The following GPRC5A variants were observed in gnomAD, a reference collection of about 807,000 sequenced individuals.
GPRC5A encodes the protein retinoic acid-induced protein 3.
In GPRC5A, 19 loss-of-function variants were observed where a neutral mutation model predicts 22.5. That is an observed-to-expected ratio of 0.85 (90% CI 0.59 to 1.24). The LOEUF is 1.24. Among genes scored for constraint, GPRC5A ranks in the 50% most tolerant of loss-of-function variants. GPRC5A has a pLI of 0.00. For missense variants in GPRC5A, 471 were observed against 451.1 expected (o/e 1.04, Z -0.40); for synonymous variants, 192 against 184.5 (o/e 1.04, Z -0.33).
intron 1 of GPRC5A, among the ~76,000 whole-genome samples, chr12:12,899,072 A>G (rs1863853304): frequency 6.6e-6 from 1 of 152,118 alleles, no homozygotes; most frequent in African/African-American, 2.4e-5. Flanking sequence ...TCTGTTGCCC[A>G]GGCTGGAGTG....
intron 1 of GPRC5A, among the ~76,000 whole-genome samples, chr12:12,900,509 C>T (rs887169260): frequency 6.6e-6 from 1 of 152,146 alleles, no homozygotes; most frequent in Non-Finnish European, 1.5e-5. Flanking sequence ...GGAGTTGACC[C>T]AAGAAATGAC....
Position 12,915,910 on chromosome 12 carries a change from G to A in GPRC5A, c.*3371G>A, listed in dbSNP as rs781708578. 3.8e-6 allele frequency: 2 copies of A among 524,708 alleles called. No individual in the cohort carries two copies. Among genetic ancestry groups the A allele is most frequent in the South Asian group, 1.4e-5 (1 of 70,380 alleles). The allele number at this position is 524,708 out of a possible 1,614,324, so 32.5% of individuals were successfully genotyped here. On this transcript the variant is annotated 3_prime_UTR_variant, in exon 4 of 4. Coordinates refer to ENST00000014914, the MANE Select transcript of GPRC5A (RefSeq NM_003979.4). ...CGCCTGTTCTTGCCAGGTGGCAGAA[G>A]GTTGCTGCTCATTTGAGCAGTACCT...
rs1377100878 is a variant in GPRC5A, at chr12:12,908,810, G to A, written c.561G>A (p.Leu187=). 1 of 1,614,108 alleles carries A rather than the reference G, an allele frequency of 6.2e-7. No individual in the cohort carries two copies. The highest frequency in any genetic ancestry group is 8.5e-7 in the Non-Finnish European group (1 of 1,179,986). The change falls in exon 2 of 4, where the codon TTG becomes TTA. Residue 187 remains leucine (L), a synonymous_variant. Coordinates refer to ENST00000014914, the MANE Select transcript of GPRC5A (RefSeq NM_003979.4). ...TCCTGCTCACCTACGTCCTCTTCTTGATGGCGCTGACCTTCCTCATGTCCT... is the reference window on the plus strand; with the variant it reads ...TCCTGCTCACCTACGTCCTCTTCTTAATGGCGCTGACCTTCCTCATGTCCT... The part of the protein sequence containing the change: ...FVLLLTYVLF[L]MALTFLMSSF...
intron 2 of GPRC5A, among the ~76,000 whole-genome samples, chr12:12,911,125 C>A (rs2136462528): frequency 6.6e-6 from 1 of 152,140 alleles, no homozygotes; most frequent in East Asian, 1.9e-4. Flanking sequence ...CCCGCCTAGG[C>A]CTTCCAAAGT....
intron 1 of GPRC5A, among the ~76,000 whole-genome samples, chr12:12,906,386 C>T (rs1863940853): frequency 6.6e-6 from 1 of 152,100 alleles, no homozygotes; most frequent in Non-Finnish European, 1.5e-5. Context: ...GCCTGGGCAA[C>T]ATGGTGAAAC....
In GPRC5A at chr12:12,913,436, C is replaced by T. The variant is rs1296009162; in HGVS notation, c.*897C>T. 1 of 152,266 alleles carries T rather than the reference C, an allele frequency of 6.6e-6. No homozygotes were observed. The highest frequency in any genetic ancestry group is 1.9e-4 in the East Asian group (1 of 5,206). The allele number at this position is 152,266 out of a possible 1,614,324, so 9.4% of individuals were successfully genotyped here. ...CTCACTAGCACAAGCCCGGTTGCTC[C>T]TTGTCAGGAGAATTTGTAGATCATT... On this transcript the variant is annotated 3_prime_UTR_variant, in exon 4 of 4. Transcript: ENST00000014914.
rs1224120731 is a variant in GPRC5A at position 12,911,966 on chromosome 12, G to GTTTC, written c.923-117_923-116insTTCT. 1.5e-5 allele frequency: 10 copies of GTTTC among 674,948 alleles called. No homozygotes were observed. In the East Asian group the frequency reaches 2.6e-4, roughly 17 times the overall value. The allele number at this position is 674,948 out of a possible 1,614,324, so 41.8% of individuals were successfully genotyped here. On this transcript the variant is annotated intron_variant, in intron 2 of 3. Coordinates refer to ENST00000014914, the MANE Select transcript of GPRC5A (RefSeq NM_003979.4). The stretch of plus-strand genomic sequence containing the variant: ...TCTCTGTCCCTCCAAGAAACTTAAG[G>GTTTC]TCTGCTGGAGAGACAGGCAATTAAA...
chr12:12,909,930 C>G (rs944734200), intron 2 of GPRC5A: 7 of 109,306 alleles, frequency 6.4e-5, no homozygotes, highest in African/African-American at 2.6e-4. Flanking sequence ...AAGACTTCAT[C>G]TCTATTTAAA....
chr12:12,907,046 C>T (rs555339939), intron 1 of GPRC5A, among the ~76,000 whole-genome samples: 8 of 147,306 alleles, frequency 5.4e-5, no homozygotes, highest in Non-Finnish European at 1.2e-4. Flanking sequence ...AAGAGCGAAA[C>T]TCCGTCTAAA....
At position 12,914,349 on chromosome 12, in the gene GPRC5A, C is replaced by CG. The variant is rs1864035889; in HGVS notation, c.*1810_*1811insG. On this transcript the variant is annotated 3_prime_UTR_variant, in exon 4 of 4. Transcript: ENST00000014914. ...TTGGTAGGCTTCGCGCTAAGATTAG[C>CG]CTGGCTTTGTACTGAAAAGGGGGAA... is the stretch of plus-strand genomic sequence containing the variant. The CG allele has an allele frequency of 6.6e-6, 1 of 152,524 alleles. No individual in the cohort carries two copies. Among genetic ancestry groups the CG allele is most frequent in the Non-Finnish European group, 1.5e-5 (1 of 68,046 alleles). 9.4% of individuals were successfully genotyped at this position (152,524 alleles called of 1,614,324 possible).
chr12:12,895,821 C>CAAAAAAAAAAAAA (rs34696528), intron 1 of GPRC5A, among the ~76,000 whole-genome samples: 32 of 75,550 alleles, frequency 4.2e-4, no homozygotes, highest in African/African-American at 8.0e-4. Context: ...ACTAAAAATA[C>CAAAAAAAAAAAAA]AAAAAAAAAA....
intron 1 of GPRC5A, among the ~76,000 whole-genome samples, chr12:12,907,705 C>T (rs1442453250): frequency 6.6e-6 from 1 of 152,130 alleles, no homozygotes; most frequent in African/African-American, 2.4e-5. Context: ...GATCATAGCT[C>T]ACTGCATCCT....
chr12:12,898,461 G>A (rs1863846210), intron 1 of GPRC5A, among the ~76,000 whole-genome samples: 1 of 152,050 alleles, frequency 6.6e-6, no homozygotes, highest in Non-Finnish European at 1.5e-5. Context: ...AGCCCAGGAA[G>A]TCGAAGCTGC....
rs114864050 is a variant in GPRC5A, at chr12:12,907,116, C to T, written c.-7-1127C>T. The stretch of plus-strand genomic sequence containing the variant: ...GGAGGAGGGGCAGAATAATTCTGAA[C>T]CACAGAGCCTAAGAAGAGGACCCAG... On this transcript the variant is annotated intron_variant, in intron 1 of 3. Coordinates refer to ENST00000014914, the MANE Select transcript of GPRC5A (RefSeq NM_003979.4). Among the ~76,000 whole-genome samples, 1,317 of 151,288 alleles carry T rather than the reference C, an allele frequency of 8.7e-3. 22 individuals are homozygous for T. The highest frequency in any genetic ancestry group is 0.031 in the African/African-American group (1,260 of 41,296).
intron 1 of GPRC5A, among the ~76,000 whole-genome samples, chr12:12,904,884 G>GTTTTT (rs146219111): frequency 7.9e-6 from 1 of 127,282 alleles, no homozygotes; most frequent in Non-Finnish European, 1.6e-5. Context: ...AAATTTTGTG[G>GTTTTT]TTTTTTTTTT....
At position 12,912,106 on chromosome 12, in the gene GPRC5A, G is replaced by T. The variant is rs140143814; in HGVS notation, c.945G>T (p.Thr315=). Residue 315 remains threonine (T), a synonymous_variant, in exon 3 of 4, where the codon ACG becomes ACT. Transcript: ENST00000014914. ...ITQGFEETGD[T]LYAPYSTHFQ... is the part of the protein sequence containing the mutation. ...CAGGTTTTGAAGAGACAGGGGACACGCTCTATGCCCCCTATTCCACACATT... is the reference window on the plus strand; with the variant it reads ...CAGGTTTTGAAGAGACAGGGGACACTCTCTATGCCCCCTATTCCACACATT... The T allele has an allele frequency of 6.2e-7, 1 of 1,613,070 alleles. No homozygotes were observed. Among genetic ancestry groups the T allele is most frequent in the Non-Finnish European group, 8.5e-7 (1 of 1,179,048 alleles).
intron 1 of GPRC5A, among the ~76,000 whole-genome samples, chr12:12,900,617 G>A (rs926140831): frequency 6.6e-6 from 1 of 151,822 alleles, no homozygotes; most frequent in Non-Finnish European, 1.5e-5. Flanking sequence ...TTCTTTTGGG[G>A]CCGGGCACAG....
rs149534305 is a variant in GPRC5A, at chr12:12,898,019, A to G, written c.-8+6355A>G. 5.9e-5 allele frequency among the ~76,000 whole-genome samples: 9 copies of G among 152,258 alleles called. 1 individual carries two copies. In the East Asian group the frequency reaches 1.7e-3, roughly 29 times the overall value. On this transcript the variant is annotated intron_variant, in intron 1 of 3. Coordinates refer to ENST00000014914, the MANE Select transcript of GPRC5A (RefSeq NM_003979.4). The stretch of plus-strand genomic sequence containing the variant: ...ATCTTGTCTCCTCTTGAGGCTTCAG[A>G]TACCACTCTAGGTGATGACTGCCAG...
At chr12:12,902,098 CT>C (rs1863894381) in intron 1 of GPRC5A, among the ~76,000 whole-genome samples, 1 of 152,174 alleles carries the variant, frequency 6.6e-6, no homozygotes, top group Non-Finnish European at 1.5e-5. Context: ...TTCCAATCCC[CT>C]GGTGTCTTTC....
Sources: gnomAD v4.1 joint callset for allele counts (sites outside exome capture counted in the v4.1 genomes callset) on GRCh38, gnomAD v4.1.1 for gene constraint, MANE v1.5 for transcripts, NCBI Gene and HGNC (gene_info 2026-07-23, HGNC 2026-07-21) for gene names.